HS3ST5: variants seen among roughly 807,000 people sequenced by gnomAD.
HS3ST5 encodes the protein heparan sulfate-glucosamine 3-sulfotransferase 5.
A neutral mutation model predicts 25.4 loss-of-function variants in HS3ST5; 10 were observed. The observed-to-expected ratio is 0.39, with a 90% CI of 0.24 to 0.67. HS3ST5 has a LOEUF of 0.67. Among genes scored for constraint, HS3ST5 ranks in the 30% least tolerant of loss-of-function variants. The pLI is 0.44. For synonymous variants in HS3ST5, 170 were observed against 162.4 expected (o/e 1.05, Z -0.36); for missense variants, 324 against 420.7 (o/e 0.77, Z 2.01).
chr6:114,264,505 T>G (rs1377650510), intron 1 of HS3ST5, among the ~76,000 whole-genome samples: 4 of 149,586 alleles, frequency 2.7e-5, no homozygotes, highest in Non-Finnish European at 5.9e-5. Context: ...TGAAATTTAG[T>G]TTTGATTTTT....
At chr6:114,335,929 G>C (rs1776593086) in intron 1 of HS3ST5, among the ~76,000 whole-genome samples, 1 of 151,870 alleles carries the variant, frequency 6.6e-6, no homozygotes, top group African/African-American at 2.4e-5. Flanking sequence ...TGGGATTACA[G>C]GCGTGAGCCA....
chr6:114,057,624 T>C lies in HS3ST5; in HGVS notation c.674A>G (p.Lys225Arg). 1 of 1,613,086 alleles carries C rather than the reference T, an allele frequency of 6.2e-7. No homozygotes were observed. Among genetic ancestry groups the C allele is most frequent in the Non-Finnish European group, 8.5e-7 (1 of 1,179,688 alleles). The change falls in exon 5 of 5, where the codon AAA (lysine) becomes AGA (arginine). Residue 225 changes from lysine to arginine, a missense_variant. Physicochemically the swap from Lys to Arg is conservative, Grantham distance 26. Transcript: ENST00000312719. ...IDPNTCEVNT[K>R]YKAVRTSIYT... The stretch of plus-strand genomic sequence containing the variant: ...GATGCTGGTTCTTACTGCTTTGTAT[T>C]TTGTGTTCACTTCGCATGTATTAGG...
At chr6:114,076,292 G>A (rs1055984083) in intron 3 of HS3ST5, among the ~76,000 whole-genome samples, 1 of 152,128 alleles carries the variant, frequency 6.6e-6, no homozygotes, top group Non-Finnish European at 1.5e-5. Flanking sequence ...GCCTGAGAAG[G>A]GATGAGTTCA....
chr6:114,236,457 T>G (rs180878888), intron 1 of HS3ST5, among the ~76,000 whole-genome samples: 25 of 152,352 alleles, frequency 1.6e-4, no homozygotes, highest in Non-Finnish European at 1.5e-5. Flanking sequence ...AAATGTTTCT[T>G]CTTTACTCCC....
At chr6:114,148,205 G>A (rs896469117) in intron 3 of HS3ST5, among the ~76,000 whole-genome samples, 1 of 152,108 alleles carries the variant, frequency 6.6e-6, no homozygotes, top group Non-Finnish European at 1.5e-5. Context: ...TTTAATAAAT[G>A]GTACTGGGAA....
chr6:114,071,102 A>C (rs1381889581), intron 3 of HS3ST5, among the ~76,000 whole-genome samples: 1 of 152,230 alleles, frequency 6.6e-6, no homozygotes, highest in Non-Finnish European at 1.5e-5. Context: ...GCAAACTGCA[A>C]TACACAGAAC....
At chr6:114,221,425 T>C (rs774682667) in intron 2 of HS3ST5, among the ~76,000 whole-genome samples, 87 of 151,990 alleles carry the variant, frequency 5.7e-4, no homozygotes, top group Admixed American at 4.7e-3. Flanking sequence ...CATAATGACA[T>C]ACCTTCAAAA....
intron 1 of HS3ST5, among the ~76,000 whole-genome samples, chr6:114,261,594 T>C (rs748407286): frequency 3.9e-5 from 6 of 152,230 alleles, no homozygotes; most frequent in Non-Finnish European, 8.8e-5. Flanking sequence ...TTTAATAATT[T>C]GTATACTACA....
intron 3 of HS3ST5, among the ~76,000 whole-genome samples, chr6:114,063,289 T>A (rs1399116524): frequency 1.3e-5 from 2 of 151,968 alleles, no homozygotes; most frequent in Non-Finnish European, 2.9e-5. Context: ...CCAAGGCGGG[T>A]GGATCACCTG....
At chr6:114,272,882 T>A (rs1017324368) in intron 1 of HS3ST5, among the ~76,000 whole-genome samples, 2 of 151,998 alleles carry the variant, frequency 1.3e-5, no homozygotes, top group African/African-American at 4.8e-5. Context: ...AGTGTCTGAC[T>A]AGAGTGGAGT....
intron 2 of HS3ST5, among the ~76,000 whole-genome samples, chr6:114,185,286 C>T (rs1426080982): frequency 1.3e-5 from 2 of 152,118 alleles, no homozygotes; most frequent in East Asian, 3.9e-4. Context: ...AATTAGGTCA[C>T]GAGAGTGGAG....
intron 1 of HS3ST5, among the ~76,000 whole-genome samples, chr6:114,265,225 T>C (rs1286659397): frequency 6.6e-6 from 1 of 152,026 alleles, no homozygotes; most frequent in African/African-American, 2.4e-5. Flanking sequence ...CAAAAGATTA[T>C]GGTGTCACAA....
intron 3 of HS3ST5, among the ~76,000 whole-genome samples, chr6:114,134,581 G>A (rs1039511670): frequency 3.3e-4 from 51 of 152,244 alleles, no homozygotes; most frequent in South Asian, 6.2e-4. Flanking sequence ...AGCCTAAGCC[G>A]CACGTGGAAT....
intron 3 of HS3ST5, among the ~76,000 whole-genome samples, chr6:114,124,992 A>C (rs1267541314): frequency 6.6e-6 from 1 of 152,224 alleles, no homozygotes; most frequent in Non-Finnish European, 1.5e-5. Context: ...TCTCTTAAGA[A>C]AAGCAGCCAG....
chr6:114,081,717 G>C (rs1435667874), intron 3 of HS3ST5, among the ~76,000 whole-genome samples: 1 of 152,164 alleles, frequency 6.6e-6, no homozygotes, highest in South Asian at 2.1e-4. Context: ...TTTTTAGTCA[G>C]AAATTTCATT....
At chr6:114,336,583 G>A (rs1467364169) in intron 1 of HS3ST5, among the ~76,000 whole-genome samples, 1 of 152,078 alleles carries the variant, frequency 6.6e-6, no homozygotes, top group Non-Finnish European at 1.5e-5. Context: ...CTGCAGCCTG[G>A]GTGACAGAGC....
At chr6:114,086,203 ATTAATGTTACTAAT>A (rs1199220434) in intron 3 of HS3ST5, among the ~76,000 whole-genome samples, 2 of 152,196 alleles carry the variant, frequency 1.3e-5, no homozygotes, top group Non-Finnish European at 2.9e-5. Context: ...GCAGATTGTA[ATTAATGTTACTAAT>A]CAGCTGAACT....
At chr6:114,198,324 G>A (rs1780859379) in intron 2 of HS3ST5, among the ~76,000 whole-genome samples, 1 of 152,094 alleles carries the variant, frequency 6.6e-6, no homozygotes, top group African/African-American at 2.4e-5. Flanking sequence ...CTGGCATTCT[G>A]GAGAGAGAAG....
At chr6:114,341,222 G>GGGGAGAGAGAGAGAGAGAGAGA (rs1776839835) in intron 1 of HS3ST5, among the ~76,000 whole-genome samples, 2 of 46,600 alleles carry the variant, frequency 4.3e-5, no homozygotes, top group African/African-American at 2.5e-4. Context: ...GGAGAGAGGG[G>GGGGAGAGAGAGAGAGAGAGAGA]GAGAGAGAGA....
Sources: gnomAD v4.1 joint callset for allele counts (sites outside exome capture counted in the v4.1 genomes callset) on GRCh38, gnomAD v4.1.1 for gene constraint, MANE v1.5 for transcripts, NCBI Gene and HGNC (gene_info 2026-07-23, HGNC 2026-07-21) for gene names.